The following TENM2 variants were observed in gnomAD, a reference collection of about 807,000 sequenced individuals.
The protein encoded by TENM2 is teneurin transmembrane protein 2.
Under a neutral mutation model 245.2 loss-of-function variants are expected in TENM2, and 52 were observed. The observed-to-expected ratio is 0.21, with a 90% CI of 0.17 to 0.27. The LOEUF (loss-of-function observed/expected upper bound fraction) is 0.27. Among genes scored for constraint, TENM2 ranks in the 10% least tolerant of loss-of-function variants. The probability of loss-of-function intolerance (pLI) is 1.00; values close to 1 mark genes in which losing one functional copy is unlikely to be tolerated. For missense variants in TENM2, 3,046 were observed against 3,666.8 expected (o/e 0.83, Z 4.37); for synonymous variants, 1,363 against 1,438.9 (o/e 0.95, Z 1.19).
intron 4 of TENM2, among the ~76,000 whole-genome samples, chr5:167,959,385 C>T (rs780146402): frequency 1.3e-5 from 2 of 151,996 alleles, no homozygotes; most frequent in Admixed American, 6.6e-5. Flanking sequence ...TTAGTAGAGA[C>T]GGGGTTTCAC....
At chr5:167,293,585 G>A (rs1468025379) in intron 1 of TENM2, among the ~76,000 whole-genome samples, 1 of 151,866 alleles carries the variant, frequency 6.6e-6, no homozygotes, top group Non-Finnish European at 1.5e-5. Flanking sequence ...AGACTCCTGG[G>A]CATTGACTGC....
At position 167,908,717 on chromosome 5, in the gene TENM2, C is replaced by G. The variant is rs1776313996; in HGVS notation, c.712+32522C>G. Among the ~76,000 whole-genome samples the G allele has an allele frequency of 1.4e-5, 2 of 147,656 alleles. 1 individual carries two copies. Among genetic ancestry groups the G allele is most frequent in the South Asian group, 4.5e-4 (2 of 4,464 alleles). On this transcript the variant is annotated intron_variant, in intron 3 of 28. Transcript: ENST00000518659. The stretch of plus-strand genomic sequence containing the variant: ...TGTTTCCCTCTCTCTCTCCTTCTCT[C>G]TTTTCCCAACACAGTCCTCAGCATA...
At chr5:167,576,252 T>G (rs1774676032) in intron 2 of TENM2, among the ~76,000 whole-genome samples, 1 of 152,186 alleles carries the variant, frequency 6.6e-6, no homozygotes, top group African/African-American at 2.4e-5. Flanking sequence ...AAGCTATCCT[T>G]ACTCAAACTA....
Position 167,328,203 on chromosome 5 carries a change from CG to C in TENM2, c.226+43141del, listed in dbSNP as rs144942817. ...CCAACAGTTCGATAGTTTCTCATATCGTTTTTTTTTTTTTTTTTTTTTTTGA... is the reference window on the plus strand; with the variant it reads ...CCAACAGTTCGATAGTTTCTCATATCTTTTTTTTTTTTTTTTTTTTTTTGA... On this transcript the variant is annotated intron_variant, in intron 1 of 28. Coordinates refer to ENST00000518659, the Ensembl canonical transcript of TENM2. Among the ~76,000 whole-genome samples, 4 of 110,936 alleles carry C rather than the reference CG, an allele frequency of 3.6e-5. No individual in the cohort carries two copies. The South Asian group carries it at 1.2e-3, about 34-fold the overall frequency. 72.8% of individuals were successfully genotyped at this position (110,936 alleles called of 152,430 possible).
rs564822519 is a variant in TENM2 at position 167,643,014 on chromosome 5, C to T, written c.503-232972C>T. On this transcript the variant is annotated intron_variant, in intron 2 of 28. Transcript: ENST00000518659. ...CAAAGGGGATGTGACTTTGTAATGA[C>T]ACCACAGCAGAAAGCTTCTCTCAAA... Among the ~76,000 whole-genome samples, 3 of 152,284 alleles carry T rather than the reference C, an allele frequency of 2.0e-5. No homozygotes were observed. In the South Asian group the frequency reaches 6.2e-4, roughly 32 times the overall value.
In TENM2 at chr5:167,539,370, A is replaced by T. The variant is rs886566015; in HGVS notation, c.502+163897A>T. The stretch of plus-strand genomic sequence containing the variant: ...GATGGCATATGGAGGTTTTTTCAGG[A>T]TTGTCCTCATGCATGCAATTAATGA... On this transcript the variant is annotated intron_variant, in intron 2 of 28. Coordinates refer to ENST00000518659, the Ensembl canonical transcript of TENM2. Among the ~76,000 whole-genome samples, 21 of 152,096 alleles carry T rather than the reference A, an allele frequency of 1.4e-4. 1 individual carries two copies. Among genetic ancestry groups the T allele is most frequent in the Admixed American group, 6.6e-5 (1 of 15,250 alleles).
intron 13 of TENM2, among the ~76,000 whole-genome samples, chr5:168,171,550 A>G (rs978748275): frequency 1.8e-4 from 28 of 152,234 alleles, no homozygotes; most frequent in Non-Finnish European, 3.7e-4. Flanking sequence ...TTCCTGGTAC[A>G]TGTAATTGAC....
At chr5:167,640,363 A>G (rs2150245496) in intron 2 of TENM2, among the ~76,000 whole-genome samples, 1 of 152,258 alleles carries the variant, frequency 6.6e-6, no homozygotes, top group African/African-American at 2.4e-5. Flanking sequence ...CATGCCTGTA[A>G]TCCCAGCACT....
At chr5:167,089,577 T>C in the TENM2 span, among the ~76,000 whole-genome samples, 1 of 152,180 alleles carries the variant, frequency 6.6e-6, no homozygotes, top group Admixed American at 6.5e-5. Context: ...AAACTGGATT[T>C]TTTTTTCTTT....
chr5:167,165,796 C>CT, the TENM2 span, among the ~76,000 whole-genome samples: 1 of 152,068 alleles, frequency 6.6e-6, no homozygotes, highest in South Asian at 2.1e-4. Flanking sequence ...ATAATCATAC[C>CT]TTTTATAAAA....
At chr5:167,882,726 A>G (rs959573075) in intron 3 of TENM2, among the ~76,000 whole-genome samples, 1 of 152,160 alleles carries the variant, frequency 6.6e-6, no homozygotes, top group African/African-American at 2.4e-5. Context: ...TGAGAACAGC[A>G]TGGGGGAAAC....
chr5:167,256,887 G>A, the TENM2 span, among the ~76,000 whole-genome samples: 1 of 152,074 alleles, frequency 6.6e-6, no homozygotes, highest in East Asian at 1.9e-4. Context: ...TGAGATATGG[G>A]GAAGATCAAG....
intron 13 of TENM2, among the ~76,000 whole-genome samples, chr5:168,179,254 C>T (rs1408003751): frequency 6.6e-6 from 1 of 152,100 alleles, no homozygotes; most frequent in African/African-American, 2.4e-5. Flanking sequence ...GCTCTATGAA[C>T]CTCAGTTTCT....
intron 4 of TENM2, among the ~76,000 whole-genome samples, chr5:167,975,656 A>T (rs1782383499): frequency 6.6e-6 from 1 of 152,166 alleles, no homozygotes; most frequent in Non-Finnish European, 1.5e-5. Context: ...GTGTCATTTC[A>T]TGAAGAGTTC....
intron 23 of TENM2, among the ~76,000 whole-genome samples, chr5:168,219,265 A>C (rs533322199): frequency 6.6e-6 from 1 of 152,222 alleles, no homozygotes; most frequent in Admixed American, 6.5e-5. Context: ...GATATTGGAC[A>C]TGCACAGCAC....
intron 2 of TENM2, among the ~76,000 whole-genome samples, chr5:167,681,892 G>T (rs1756734071): frequency 6.6e-6 from 1 of 151,822 alleles, no homozygotes; most frequent in Admixed American, 6.6e-5. Context: ...CTTTAACTAT[G>T]TTCATTCTGC....
At chr5:168,231,773 CA>C (rs1764939308) in intron 25 of TENM2, among the ~76,000 whole-genome samples, 3 of 148,500 alleles carry the variant, frequency 2.0e-5, no homozygotes, top group African/African-American at 7.4e-5. Flanking sequence ...CAAACAACAA[CA>C]ACAACCAAAA....
the TENM2 span, among the ~76,000 whole-genome samples, chr5:167,264,955 A>T: frequency 1.3e-5 from 2 of 152,156 alleles, no homozygotes; most frequent in African/African-American, 4.8e-5. Flanking sequence ...TGTTATCTAA[A>T]GCAGCTCTTA....
At chr5:168,081,926 G>T (rs1792041202) in intron 7 of TENM2, among the ~76,000 whole-genome samples, 1 of 152,218 alleles carries the variant, frequency 6.6e-6, no homozygotes, top group East Asian at 1.9e-4. Context: ...TGCTCTTCTG[G>T]AGGAGTATCT....
Sources: allele counts gnomAD v4.1 joint callset (sites outside exome capture counted in the v4.1 genomes callset), GRCh38; gene constraint gnomAD v4.1.1; transcripts MANE v1.5; gene names NCBI Gene and HGNC (gene_info 2026-07-23, HGNC 2026-07-21).